Variants in CERCAM observed in about 807,000 individuals in gnomAD.
CERCAM encodes cerebral endothelial cell adhesion molecule.
CERCAM carries 59 observed loss-of-function variants against 66.0 expected under a neutral mutation model. The observed-to-expected ratio is 0.89, with a 90% CI of 0.73 to 1.11. The LOEUF (loss-of-function observed/expected upper bound fraction) is 1.11, where lower values mean the gene tolerates loss of function less well. CERCAM is among the 50% of genes most tolerant of loss of function. The pLI, the probability that CERCAM is intolerant of heterozygous loss-of-function variation, is 0.00. For synonymous variants in CERCAM, 318 were observed against 343.6 expected, an observed-to-expected ratio of 0.93 and a Z score of 0.83; for missense variants, 840 against 828.3, an observed-to-expected ratio of 1.01 and a Z score of -0.17.
chr9:128,425,052 G>T (rs11999852), intron 5 of CERCAM, among the ~76,000 whole-genome samples: 45,904 of 147,000 alleles, frequency 0.31, 9,422 homozygotes, highest in African/African-American at 0.61. Context: ...AAGGTTTTTT[G>T]TTGTTGTTGT....
In CERCAM at chr9:128,428,967, G is replaced by GGGAAC; in HGVS notation, c.1003_1007dup (p.Met337AsnfsTer35). 6.2e-7 allele frequency: 1 copy of GGGAAC among 1,611,388 alleles called. No homozygotes were observed. Among genetic ancestry groups the GGGAAC allele is most frequent in the East Asian group, 2.2e-5 (1 of 44,812 alleles). ...AGCCTGGCTCGCAGGCCTGACCGTCGGGAACGCATGCTCGCCTCGCTCTGG... is the reference window on the plus strand; with the variant it reads ...AGCCTGGCTCGCAGGCCTGACCGTCGGGAACGGAACGCATGCTCGCCTCGCTCTGG... On this transcript the variant is annotated frameshift_variant, in exon 8 of 13. Transcript: ENST00000372838. LOFTEE classifies it high-confidence loss of function.
chr9:128,428,372 G>A lies in CERCAM; in HGVS notation c.837G>A (p.Gly279=). ...ATGTGCCGGTGAAATCCCACCAGGG[G>A]CTGGAAGACGAGAGGGTCAACTTCA... The part of the protein sequence containing the change: ...YMNVPVKSHQ[G]LEDERVNFIH... Residue 279 remains glycine (G), a synonymous_variant, in exon 6 of 13, where the codon GGG becomes GGA. Transcript: ENST00000372838. 1 of 1,614,202 alleles carries A rather than the reference G, an allele frequency of 6.2e-7. No homozygotes were observed. Among genetic ancestry groups the A allele is most frequent in the South Asian group, 1.1e-5 (1 of 91,086 alleles).
intron 5 of CERCAM, 42 bp downstream of exon 5, chr9:128,424,656 C>A (rs1212832523): frequency 2.6e-6 from 4 of 1,552,224 alleles, no homozygotes; most frequent in Middle Eastern, 3.4e-4. Context: ...GAGGCCTCTG[C>A]ACATTTGCAC....
In CERCAM at chr9:128,423,177, T is replaced by C. The variant is rs1224972017; in HGVS notation, c.340T>C (p.Trp114Arg). The C allele has an allele frequency of 2.5e-6, 4 of 1,613,968 alleles. No homozygotes were observed. Among genetic ancestry groups the C allele is most frequent in the Non-Finnish European group, 3.4e-6 (4 of 1,180,004 alleles). ...CCCAGATGAAGAGGGTCCCAAGCAC[T>C]GGACCAAAGAAAGGCACCAGTTTCT... is the stretch of plus-strand genomic sequence containing the variant. ...FYPDEEGPKH[W>R]TKERHQFLME... is the part of the protein sequence containing the mutation. Residue 114 changes from tryptophan to arginine, a missense_variant, in exon 3 of 13, where the codon TGG becomes CGG. Transcript: ENST00000372838.
At chr9:128,420,751 A>T (rs1386598825), upstream of CERCAM, 13 of 291,826 alleles carry the variant, frequency 4.5e-5, no homozygotes, top group Non-Finnish European at 7.9e-5. The surrounding 1 kb of genome is among the most constrained non-coding windows in gnomAD (Gnocchi z 5.0). Context: ...GCAGGATCCC[A>T]CTCTGAGGGT....
chr9:128,426,619 TAA>T (rs111611260), intron 5 of CERCAM, among the ~76,000 whole-genome samples: 44 of 143,922 alleles, frequency 3.1e-4, no homozygotes, highest in African/African-American at 4.8e-4. Flanking sequence ...GACTCTGTCT[TAA>T]AAAAAAAAAA....
In CERCAM at chr9:128,429,014, G is replaced by A. The variant is rs969340407; in HGVS notation, c.1048G>A (p.Val350Met). The A allele has an allele frequency of 6.2e-7, 1 of 1,609,614 alleles. No homozygotes were observed. The part of the protein sequence containing the change: ...SLWEMEISGR[V>M]VDAVDGWMLN... The stretch of plus-strand genomic sequence containing the variant: ...CTGGGAGATGGAGATCTCTGGGAGG[G>A]TGGTGGACGCTGTGGATGGCTGGTG... The change falls in exon 8 of 13, where the codon GTG becomes ATG. Residue 350 changes from valine (V) to methionine (M), a missense_variant. Val to Met is a conservative substitution (Grantham distance 21, BLOSUM62 1). Coordinates refer to ENST00000372838, the MANE Select transcript of CERCAM (RefSeq NM_016174.5).
Position 128,428,996 on chromosome 9 carries a change from A to T in CERCAM, c.1030A>T (p.Met344Leu). The T allele has an allele frequency of 6.2e-7, 1 of 1,610,712 alleles. No homozygotes were observed. Among genetic ancestry groups the T allele is most frequent in the Non-Finnish European group, 8.5e-7 (1 of 1,179,104 alleles). Residue 344 changes from methionine to leucine, a missense_variant, in exon 8 of 13, where the codon ATG (methionine) becomes TTG (leucine). Coordinates refer to ENST00000372838, the MANE Select transcript of CERCAM (RefSeq NM_016174.5). ...ACGCATGCTCGCCTCGCTCTGGGAG[A>T]TGGAGATCTCTGGGAGGGTGGTGGA... ...RERMLASLWE[M>L]EISGRVVDAV...
At chr9:128,428,570 C>G (rs1043419586) in intron 6 of CERCAM, 149 bp downstream of exon 6, 5 of 1,197,228 alleles carry the variant, frequency 4.2e-6, no homozygotes, top group Admixed American at 4.4e-5. Context: ...GAGAAAGTCC[C>G]TTTCCCTGTT....
chr9:128,429,101 C>G lies in CERCAM; in HGVS notation c.1070+65C>G, dbSNP rs1054921689. 10 of 1,197,762 alleles carry G rather than the reference C, an allele frequency of 8.3e-6. No homozygotes were observed. In the Admixed American group the frequency reaches 2.2e-4, roughly 26 times the overall value. 74.2% of individuals were successfully genotyped at this position (1,197,762 alleles called of 1,614,324 possible). On this transcript the variant is annotated intron_variant, in intron 8 of 12. Transcript: ENST00000372838. ...AAGCAGTGTGGTCCATCTCCTAGCC[C>G]GCTAGGACTGGGAAAAGCAGACAGG... is the stretch of plus-strand genomic sequence containing the variant.
chr9:128,430,891 C>A, intron 8 of CERCAM: 1 of 282,066 alleles, frequency 3.5e-6, no homozygotes, highest in Non-Finnish European at 6.6e-6. Context: ...CACCTGTAAT[C>A]TCAGCTACTT....
At chr9:128,422,715 G>A in intron 1 of CERCAM, 153 bp from the exon 2 acceptor site, 1 of 803,936 alleles carries the variant, frequency 1.2e-6, no homozygotes, top group South Asian at 1.9e-5. Context: ...GGACCTGGCT[G>A]TGCTGCCTCC....
chr9:128,433,967 C>A, intron 9 of CERCAM, 135 bp from the exon 10 acceptor site: 1 of 1,218,554 alleles, frequency 8.2e-7, no homozygotes, highest in Non-Finnish European at 1.1e-6. Context: ...GCAGTGGGGC[C>A]CCCAGCAGGC....
intron 5 of CERCAM, among the ~76,000 whole-genome samples, chr9:128,425,110 T>G (rs1588617721): frequency 6.7e-6 from 1 of 150,288 alleles, no homozygotes; most frequent in Non-Finnish European, 1.5e-5. Flanking sequence ...CAGGCTGGAG[T>G]GCAGTGGCCG....
chr9:128,435,883 C>T lies in CERCAM; in HGVS notation c.1766C>T (p.Pro589Leu). The T allele has an allele frequency of 6.2e-7, 1 of 1,606,318 alleles. No homozygotes were observed. The highest frequency in any genetic ancestry group is 8.5e-7 in the Non-Finnish European group (1 of 1,179,002). ...GGCAGCAGCGGGCACAGCCTCCAAC[C>T]CCAGCCCCGAGATGAGCTCTAGGTG... ...LTGSSGHSLQ[P>L]QPRDEL The change falls in exon 12 of 13, where the codon CCC (proline) becomes CTC (leucine). Residue 589 changes from proline (P) to leucine (L), a missense_variant. Physicochemically the swap from Pro to Leu is moderately conservative, Grantham distance 98. Transcript: ENST00000372838.
intron 8 of CERCAM, 198 bp from the exon 9 acceptor site, chr9:128,430,973 C>T: frequency 1.7e-6 from 1 of 595,890 alleles, no homozygotes; most frequent in Non-Finnish European, 2.9e-6. Context: ...GGTGCCACTG[C>T]ACTCCAGCCT....
In CERCAM at chr9:128,435,746, C is replaced by T. The variant is rs748707205; in HGVS notation, c.1629C>T (p.Ala543=). ...LAAPTHYAGD[A]EWLSDTETSS... is the part of the protein sequence containing the mutation. ...CCCCTACCCACTATGCCGGGGACGC[C>T]GAGTGGCTCAGTGACACGGAGACAT... The change falls in exon 12 of 13, where the codon GCC becomes GCT. Residue 543 remains alanine (A), a synonymous_variant. Transcript: ENST00000372838. 2.5e-6 allele frequency: 4 copies of T among 1,613,470 alleles called. No homozygotes were observed. Among genetic ancestry groups the T allele is most frequent in the South Asian group, 1.1e-5 (1 of 90,948 alleles).
intron 1 of CERCAM, 57 bp downstream of exon 1, chr9:128,421,131 GC>G: frequency 7.9e-7 from 1 of 1,261,532 alleles, no homozygotes. Flanking sequence ...TTCGCAGATG[GC>G]CCCCGCCCCC....
At chr9:128,431,595 C>T (rs1206987276) in intron 9 of CERCAM, 1 of 343,678 alleles carries the variant, frequency 2.9e-6, no homozygotes, top group Non-Finnish European at 5.4e-6. Flanking sequence ...AGGGATCCCC[C>T]TGGGGCTCAG....
Sources: gnomAD v4.1 joint callset for allele counts (sites outside exome capture counted in the v4.1 genomes callset) on GRCh38, gnomAD v4.1.1 for gene constraint, Gnocchi (gnomAD v3.1) non-coding constraint, MANE v1.5 for transcripts, NCBI Gene and HGNC (gene_info 2026-07-23, HGNC 2026-07-21) for gene names.